The following TENM3 variants were observed in gnomAD, a reference collection of about 807,000 sequenced individuals.
TENM3 encodes the protein teneurin transmembrane protein 3, also known as teneurin-3.
In TENM3, 63 loss-of-function variants were observed where a neutral mutation model predicts 255.1. The ratio of observed to expected loss-of-function variants is 0.25; its 90% CI spans 0.20 to 0.30. TENM3 has a LOEUF of 0.30. Ranked by LOEUF, TENM3 falls within the 10% of genes least tolerant of loss-of-function variation. TENM3 has a pLI of 1.00. For missense variants in TENM3, 2,929 were observed against 3,461.1 expected, an observed-to-expected ratio of 0.85 and a Z score of 3.86; for synonymous variants, 1,306 against 1,322.3, an observed-to-expected ratio of 0.99 and a Z score of 0.27.
the TENM3 span, among the ~76,000 whole-genome samples, chr4:181,916,222 A>G: frequency 6.6e-6 from 1 of 152,174 alleles, no homozygotes; most frequent in Admixed American, 6.5e-5. Context: ...ACCCTCTGAT[A>G]TTCTAGGCTA....
intron 3 of TENM3, among the ~76,000 whole-genome samples, chr4:182,489,204 G>A (rs566750473): frequency 3.3e-5 from 5 of 152,146 alleles, no homozygotes; most frequent in Admixed American, 1.3e-4. Context: ...TATTTTGAAC[G>A]CATGAAGCCT....
the TENM3 span, chr4:181,874,421 G>A: frequency 6.6e-6 from 1 of 152,148 alleles, no homozygotes; most frequent in Admixed American, 6.5e-5. Context: ...GTTATTAGGT[G>A]CATACGCACA....
At chr4:182,461,554 G>A (rs114872439) in intron 3 of TENM3, among the ~76,000 whole-genome samples, 2,543 of 152,208 alleles carry the variant, frequency 0.017, 96 homozygotes, top group African/African-American at 0.058. Context: ...ACAGTAGTAC[G>A]GTGTGTTTGG....
intron 1 of TENM3, among the ~76,000 whole-genome samples, chr4:182,267,528 C>A (rs1759318922): frequency 6.6e-6 from 1 of 152,008 alleles, no homozygotes; most frequent in African/African-American, 2.4e-5. Context: ...GGTTTCTAGC[C>A]TGTGGTAAGT....
At chr4:182,664,353 A>G (rs1330997149) in intron 6 of TENM3, among the ~76,000 whole-genome samples, 1 of 152,206 alleles carries the variant, frequency 6.6e-6, no homozygotes, top group Non-Finnish European at 1.5e-5. Context: ...CCACACCCAC[A>G]TAAGACAGCG....
chr4:182,093,437 T>C, the TENM3 span, among the ~76,000 whole-genome samples: 1 of 152,056 alleles, frequency 6.6e-6, no homozygotes, highest in East Asian at 1.9e-4. Context: ...CAAAGCTAGA[T>C]GATAACATGT....
chr4:181,796,482 G>C, the TENM3 span, among the ~76,000 whole-genome samples: 2 of 152,188 alleles, frequency 1.3e-5, no homozygotes, highest in Admixed American at 6.5e-5. Flanking sequence ...TAGCATTTAG[G>C]CATGTGGAGA....
At chr4:182,279,590 A>T (rs1760238851) in intron 1 of TENM3, among the ~76,000 whole-genome samples, 1 of 152,196 alleles carries the variant, frequency 6.6e-6, no homozygotes, top group South Asian at 2.1e-4. Context: ...TAAATATATA[A>T]AAGAAAGTGG....
chr4:181,790,144 T>A, the TENM3 span, among the ~76,000 whole-genome samples: 2 of 152,064 alleles, frequency 1.3e-5, no homozygotes, highest in African/African-American at 4.8e-5. Context: ...GTAGATAGTG[T>A]CAGAATTGAA....
chr4:182,792,184 T>C lies in TENM3; in HGVS notation c.5602-90T>C. ...TTAAAATGAAAATCATTTTCTCTAG[T>C]GGAATGTTTCTGTGCATCTGTGGTC... is the stretch of plus-strand genomic sequence containing the variant. On this transcript the variant is annotated intron_variant, in intron 25 of 27. Transcript: ENST00000511685. This position sits in a 1 kb window ranked among gnomAD's most constrained non-coding sequence, Gnocchi z 6.3. 8.7e-7 allele frequency: 1 copy of C among 1,154,208 alleles called. No individual in the cohort carries two copies. The highest frequency in any genetic ancestry group is 1.5e-5 in the South Asian group (1 of 67,468). 71.5% of individuals were successfully genotyped at this position (1,154,208 alleles called of 1,614,324 possible). A position where few individuals can be genotyped will look rare whatever the true frequency, so the allele number is the denominator to read the frequency against.
intron 1 of TENM3, among the ~76,000 whole-genome samples, chr4:182,163,886 T>G (rs1751521248): frequency 6.6e-6 from 1 of 152,210 alleles, no homozygotes; most frequent in Admixed American, 6.5e-5. Context: ...AAACAAGCCC[T>G]TAGACCCTCT....
At chr4:181,692,294 A>G in the TENM3 span, among the ~76,000 whole-genome samples, 1 of 152,192 alleles carries the variant, frequency 6.6e-6, no homozygotes, top group Non-Finnish European at 1.5e-5. Flanking sequence ...ATACACAATT[A>G]ATTTTCACTG....
At chr4:182,221,233 C>T (rs1481926451) in intron 1 of TENM3, among the ~76,000 whole-genome samples, 2 of 152,162 alleles carry the variant, frequency 1.3e-5, no homozygotes, top group African/African-American at 4.8e-5. Flanking sequence ...TCTTTAGAGG[C>T]CCCCTGCTAT....
the TENM3 span, among the ~76,000 whole-genome samples, chr4:181,824,739 G>A: frequency 8.6e-5 from 13 of 151,662 alleles, no homozygotes; most frequent in African/African-American, 3.2e-4. Context: ...AATATTCAAA[G>A]CACCTACAAC....
intron 1 of TENM3, among the ~76,000 whole-genome samples, chr4:182,213,672 T>C (rs1457078775): frequency 1.3e-5 from 2 of 152,246 alleles, no homozygotes; most frequent in Non-Finnish European, 2.9e-5. Context: ...GAAACACTGC[T>C]TCTTAGCTCT....
chr4:182,796,857 C>A, intron 27 of TENM3, 90 bp downstream of exon 27: 1 of 1,013,290 alleles, frequency 9.9e-7, no homozygotes, highest in Non-Finnish European at 1.4e-6. Flanking sequence ...GAAAACTGTA[C>A]CAAAGACAGT....
chr4:181,695,898 T>A, the TENM3 span, among the ~76,000 whole-genome samples: 15 of 152,042 alleles, frequency 9.9e-5, no homozygotes, highest in Non-Finnish European at 2.1e-4. Flanking sequence ...ATTCTTTTTA[T>A]AGGCTAAGTG....
At chr4:181,891,066 G>C in the TENM3 span, among the ~76,000 whole-genome samples, 135 of 152,156 alleles carry the variant, frequency 8.9e-4, no homozygotes, top group Non-Finnish European at 1.7e-3. Context: ...ACTCTCTGTG[G>C]GTGGTCAATA....
chr4:181,864,366 G>A, the TENM3 span, among the ~76,000 whole-genome samples: 1 of 152,126 alleles, frequency 6.6e-6, no homozygotes, highest in Non-Finnish European at 1.5e-5. Context: ...CCCAGATGGA[G>A]ATTTCATTTT....
Sources: allele counts gnomAD v4.1 joint callset (sites outside exome capture counted in the v4.1 genomes callset), GRCh38; gene constraint gnomAD v4.1.1; non-coding constraint Gnocchi (gnomAD v3.1); transcripts MANE v1.5; gene names NCBI Gene and HGNC (gene_info 2026-07-23, HGNC 2026-07-21).